Variants in LPP observed in about 807,000 individuals in gnomAD.
LPP encodes the protein LIM domain containing preferred translocation partner in lipoma, also known as lipoma-preferred partner.
A neutral mutation model predicts 60.4 loss-of-function variants in LPP; 38 were observed. The observed-to-expected ratio is 0.63, with a 90% CI of 0.49 to 0.83. The LOEUF (loss-of-function observed/expected upper bound fraction) is 0.83, where lower values mean the gene tolerates loss of function less well. Among genes scored for constraint, LPP ranks in the 40% least tolerant of loss-of-function variants. The pLI is 0.00. For synonymous variants in LPP, 328 were observed against 290.8 expected (o/e 1.13, Z -1.30); for missense variants, 902 against 783.6 (o/e 1.15, Z -1.80).
chr3:188,593,183 T>TGTGTGC (rs397742653), intron 6 of LPP, among the ~76,000 whole-genome samples: 1 of 151,038 alleles, frequency 6.6e-6, no homozygotes, highest in Non-Finnish European at 1.5e-5. Flanking sequence ...TGTGTGTGTG[T>TGTGTGC]TTCTTCCCTT....
intron 4 of LPP, among the ~76,000 whole-genome samples, chr3:188,438,950 C>T (rs1793061882): frequency 6.6e-6 from 1 of 152,106 alleles, no homozygotes; most frequent in East Asian, 1.9e-4. Context: ...TCTTGGAGGT[C>T]TAATCATGTT....
At chr3:188,272,576 TGAAA>T (rs1347923492) in intron 2 of LPP, among the ~76,000 whole-genome samples, 4 of 152,128 alleles carry the variant, frequency 2.6e-5, no homozygotes, top group Admixed American at 2.6e-4. Context: ...ATGTGTCTGT[TGAAA>T]GAGAGGAAGC....
chr3:188,355,272 G>T (rs1359600304), intron 3 of LPP, among the ~76,000 whole-genome samples: 1 of 152,168 alleles, frequency 6.6e-6, no homozygotes, highest in African/African-American at 2.4e-5. Flanking sequence ...CTCCCAAAGT[G>T]CTGGGATTAC....
chr3:188,618,647 G>A (rs1307808154), intron 7 of LPP, among the ~76,000 whole-genome samples: 1 of 152,088 alleles, frequency 6.6e-6, no homozygotes. Flanking sequence ...AGTATTTCCG[G>A]GACATAACAT....
intron 9 of LPP, among the ~76,000 whole-genome samples, chr3:188,794,210 C>T (rs1049581039): frequency 6.6e-6 from 1 of 152,168 alleles, no homozygotes; most frequent in Non-Finnish European, 1.5e-5. Context: ...TTTTCTTTTT[C>T]GATTCTGATG....
intron 1 of LPP, among the ~76,000 whole-genome samples, chr3:188,212,261 T>G (rs1274504007): frequency 6.6e-6 from 1 of 152,172 alleles, no homozygotes; most frequent in Non-Finnish European, 1.5e-5. Context: ...CTCCACCAAA[T>G]TAATGATTTA....
In LPP at chr3:188,425,900, C is replaced by G. The variant is rs143973147; in HGVS notation, c.193+19587C>G. Among the ~76,000 whole-genome samples, 1,490 of 152,224 alleles carry G rather than the reference C, an allele frequency of 9.8e-3. 25 individuals carry two copies. Among genetic ancestry groups the G allele is most frequent in the African/African-American group, 0.035 (1,437 of 41,506 alleles). The stretch of plus-strand genomic sequence containing the variant: ...TTTGTTAATCTTTTCAAAACACCAG[C>G]TCCTGGATTCATCGATTGTTTTGAA... On this transcript the variant is annotated intron_variant, in intron 4 of 11. Coordinates refer to ENST00000617246, the MANE Select transcript of LPP (RefSeq NM_001375462.1).
At position 188,810,207 on chromosome 3, in the gene LPP, T is replaced by A. The variant is rs552713655; in HGVS notation, c.1410+49925T>A. Among the ~76,000 whole-genome samples the A allele has an allele frequency of 2.2e-3, 340 of 152,272 alleles. 2 individuals carry two copies. The highest frequency in any genetic ancestry group is 7.9e-3 in the African/African-American group (329 of 41,550). ...TGGTTAATAACTGTAGTTTTTTTTT[T>A]CTGTTACCAATAGTATGGCATTCAG... On this transcript the variant is annotated intron_variant, in intron 9 of 11. Coordinates refer to ENST00000617246, the MANE Select transcript of LPP (RefSeq NM_001375462.1).
At chr3:188,414,856 G>T (rs576035968) in intron 4 of LPP, among the ~76,000 whole-genome samples, 1 of 152,240 alleles carries the variant, frequency 6.6e-6, no homozygotes, top group African/African-American at 2.4e-5. Context: ...TGATCCTGGG[G>T]ATTCCTTCTC....
At chr3:188,430,743 A>G (rs1024069313) in intron 4 of LPP, among the ~76,000 whole-genome samples, 2 of 152,198 alleles carry the variant, frequency 1.3e-5, no homozygotes, top group Admixed American at 6.6e-5. Flanking sequence ...AGGCATAGAC[A>G]TAACTGAAAG....
At chr3:188,765,394 A>G (rs1232723969) in intron 9 of LPP, among the ~76,000 whole-genome samples, 5 of 151,904 alleles carry the variant, frequency 3.3e-5, no homozygotes, top group Admixed American at 3.3e-4. Flanking sequence ...GAAGGAGAAA[A>G]ATGGTTCAAG....
At chr3:188,827,393 A>G (rs1369621362) in intron 9 of LPP, among the ~76,000 whole-genome samples, 2 of 152,340 alleles carry the variant, frequency 1.3e-5, no homozygotes, top group East Asian at 1.9e-4. Flanking sequence ...GTCCCTGCCT[A>G]TACAAATAGT....
intron 9 of LPP, among the ~76,000 whole-genome samples, chr3:188,831,237 G>A (rs151168758): frequency 5.1e-4 from 77 of 152,328 alleles, no homozygotes; most frequent in African/African-American, 1.6e-3. Context: ...AAGACATGAT[G>A]ACACCACTAT....
At chr3:188,205,305 G>A (rs906655968) in intron 1 of LPP, among the ~76,000 whole-genome samples, 5 of 117,616 alleles carry the variant, frequency 4.3e-5, no homozygotes, top group Admixed American at 2.1e-4. Context: ...TTTTTTGGCA[G>A]AGTCTTGCTC....
chr3:188,302,173 CGTT>C (rs1157269216), intron 2 of LPP, among the ~76,000 whole-genome samples: 1 of 152,082 alleles, frequency 6.6e-6, no homozygotes, highest in Non-Finnish European at 1.5e-5. Context: ...TTTACTCTCT[CGTT>C]TAATTCTCCC....
At chr3:188,730,293 A>T (rs1017414130) in intron 8 of LPP, among the ~76,000 whole-genome samples, 2 of 152,284 alleles carry the variant, frequency 1.3e-5, no homozygotes, top group South Asian at 2.1e-4. Flanking sequence ...ATTTATTTTG[A>T]TGAAGCAAAT....
chr3:188,435,396 G>A (rs1792054310), intron 4 of LPP, among the ~76,000 whole-genome samples: 1 of 151,926 alleles, frequency 6.6e-6, no homozygotes, highest in South Asian at 2.1e-4. Context: ...ATGATCCATT[G>A]CCCACATTTA....
intron 1 of LPP, among the ~76,000 whole-genome samples, chr3:188,175,368 G>A (rs1191708864): frequency 1.3e-5 from 2 of 152,132 alleles, no homozygotes; most frequent in East Asian, 1.9e-4. Context: ...GATTACAGGC[G>A]TGAGCCACCA....
intron 3 of LPP, among the ~76,000 whole-genome samples, chr3:188,368,269 A>G (rs1771810634): frequency 6.6e-6 from 1 of 152,220 alleles, no homozygotes; most frequent in South Asian, 2.1e-4. Context: ...CATCAAAGGC[A>G]CAAATATGGG....
Sources: allele counts gnomAD v4.1 joint callset (sites outside exome capture counted in the v4.1 genomes callset), GRCh38; gene constraint gnomAD v4.1.1; transcripts MANE v1.5; gene names NCBI Gene and HGNC (gene_info 2026-07-23, HGNC 2026-07-21).